RIOK1: variants seen among roughly 807,000 people sequenced by gnomAD.
The protein encoded by RIOK1 is serine/threonine-protein kinase RIO1.
Under a neutral mutation model 73.5 loss-of-function variants are expected in RIOK1, and 66 were observed. The ratio of observed to expected loss-of-function variants is 0.90; its 90% CI spans 0.74 to 1.10. RIOK1 has a LOEUF of 1.10. Among genes scored for constraint, RIOK1 ranks in the 50% least tolerant of loss-of-function variants. The pLI is 0.00. For synonymous variants in RIOK1, 224 were observed against 226.8 expected (o/e 0.99, Z 0.11); for missense variants, 658 against 699.8 (o/e 0.94, Z 0.67).
rs1429429116 is a variant in RIOK1 at position 7,395,085 on chromosome 6, C to G, written c.309C>G (p.Ala103=). ...ANRQTSDSSS[A]KMSTPADKVL... is the part of the protein sequence containing the mutation. ...GACAGACCTCCGACAGCAGTTCAGC[C>G]AAAATGTCTACTCCAGCAGACAAGG... is the stretch of plus-strand genomic sequence containing the variant. The change falls in exon 3 of 17, where the codon GCC becomes GCG. Residue 103 remains alanine (A), a synonymous_variant. Transcript: ENST00000379834. The G allele has an allele frequency of 6.2e-7, 1 of 1,613,760 alleles. No individual in the cohort carries two copies. Among genetic ancestry groups the G allele is most frequent in the Non-Finnish European group, 8.5e-7 (1 of 1,179,796 alleles).
intron 8 of RIOK1, among the ~76,000 whole-genome samples, chr6:7,403,508 T>C (rs1206868265): frequency 6.6e-6 from 1 of 152,216 alleles, no homozygotes; most frequent in East Asian, 1.9e-4. Flanking sequence ...AGGTGACACA[T>C]TGGATAGTGT....
intron 2 of RIOK1, among the ~76,000 whole-genome samples, chr6:7,394,377 T>C (rs565529851): frequency 1.3e-5 from 2 of 152,276 alleles, no homozygotes; most frequent in African/African-American, 4.8e-5. Context: ...GAGGTTGCAG[T>C]GAGCCAAGAT....
At chr6:7,399,219 C>T (rs557455817) in intron 5 of RIOK1, among the ~76,000 whole-genome samples, 7 of 152,094 alleles carry the variant, frequency 4.6e-5, no homozygotes, top group African/African-American at 1.2e-4. Flanking sequence ...TCCCACATTC[C>T]GAAGAATGTG....
Position 7,404,954 on chromosome 6 carries a change from T to C in RIOK1, c.1029T>C (p.Ser343=). 1 of 1,614,156 alleles carries C rather than the reference T, an allele frequency of 6.2e-7. No individual in the cohort carries two copies. Among genetic ancestry groups the C allele is most frequent in the Non-Finnish European group, 8.5e-7 (1 of 1,180,010 alleles). Residue 343 remains serine, a synonymous_variant, in exon 11 of 17, where the codon TCT becomes TCC. Coordinates refer to ENST00000379834, the MANE Select transcript of RIOK1 (RefSeq NM_031480.3). ...GAGGCGTGTATATCATTGACGTGTC[T>C]CAGTCCGTGGAGCACGACCACCCAC... is the stretch of plus-strand genomic sequence containing the variant. ...HGGGVYIIDV[S]QSVEHDHPHA...
chr6:7,404,376 A>G, intron 9 of RIOK1, 42 bp from the exon 10 acceptor site: 1 of 1,609,566 alleles, frequency 6.2e-7, no homozygotes, highest in Non-Finnish European at 8.5e-7. Context: ...GAAGCAAGAA[A>G]ACTTGTTCTT....
chr6:7,417,363 A>G lies in RIOK1; in HGVS notation c.1629A>G (p.Arg543=). ...ERKKMVKEAQ[R]EKRKNKIPKH... ...AAAAGATGGTCAAGGAAGCCCAGAG[A>G]GAGAAAAGAAAAAACAAAATTCCTA... The change falls in exon 17 of 17, where the codon AGA becomes AGG. Residue 543 remains arginine, a synonymous_variant. Coordinates refer to ENST00000379834, the MANE Select transcript of RIOK1 (RefSeq NM_031480.3). The G allele has an allele frequency of 6.4e-7, 1 of 1,564,826 alleles. No homozygotes were observed. Among genetic ancestry groups the G allele is most frequent in the South Asian group, 1.2e-5 (1 of 82,960 alleles).
At chr6:7,404,298 G>C in intron 9 of RIOK1, 120 bp from the exon 10 acceptor site, 4 of 1,200,964 alleles carry the variant, frequency 3.3e-6, no homozygotes, top group Non-Finnish European at 4.7e-6. Context: ...TGTGCATTGA[G>C]ACAGATTGTC....
At chr6:7,412,593 A>G (rs966163048) in intron 14 of RIOK1, among the ~76,000 whole-genome samples, 1 of 150,370 alleles carries the variant, frequency 6.7e-6, no homozygotes, top group African/African-American at 2.4e-5. Flanking sequence ...TGGAGGTTGC[A>G]GTGAGCCAAG....
In RIOK1 at chr6:7,389,853, T is replaced by C; in HGVS notation, c.-150T>C. ...AGGGTGGTGGATCTGTCGGTCCCGT[T>C]TTCCCGTCGCACGTGGTGGCCACTG... On this transcript the variant is annotated 5_prime_UTR_variant, in exon 1 of 17. Transcript: ENST00000379834. The C allele has an allele frequency of 1.6e-6, 1 of 622,608 alleles. No individual in the cohort carries two copies. 38.6% of individuals were successfully genotyped at this position (622,608 alleles called of 1,614,324 possible).
rs141390550 is a variant in RIOK1, at chr6:7,417,343, A to G, written c.1609A>G (p.Met537Val). 4.3e-5 allele frequency: 66 copies of G among 1,538,926 alleles called. No homozygotes were observed. The African/African-American group carries it at 8.3e-4, about 19-fold the overall frequency. Residue 537 changes from methionine (M) to valine (V), a missense_variant, in exon 17 of 17, where the codon ATG becomes GTG. Physicochemically the swap from Met to Val is conservative, Grantham distance 21 (BLOSUM62 1). Coordinates refer to ENST00000379834, the MANE Select transcript of RIOK1 (RefSeq NM_031480.3). Reference protein sequence around the residue: ...PDIDKKERKKMVKEAQREKRK... With the variant: ...PDIDKKERKKVVKEAQREKRK... Reference sequence around the variant, plus strand: ...TTGTTTTTTACAGGAAAGAAAAAAGATGGTCAAGGAAGCCCAGAGAGAGAA... The same window carrying G: ...TTGTTTTTTACAGGAAAGAAAAAAGGTGGTCAAGGAAGCCCAGAGAGAGAA...
rs930568514 is a variant in RIOK1, at chr6:7,417,592, A to C, written c.*151A>C. 2.0e-6 allele frequency: 1 copy of C among 494,944 alleles called. No homozygotes were observed. Among genetic ancestry groups the C allele is most frequent in the African/African-American group, 2.0e-5 (1 of 50,544 alleles). The allele number at this position is 494,944 out of a possible 1,614,324, so 30.7% of individuals were successfully genotyped here. ...CGGATTCAAATGTTTTCATGTAACT[A>C]TGTAAAAAGCTCTAAGCTCTAGAGT... On this transcript the variant is annotated 3_prime_UTR_variant, in exon 17 of 17. Coordinates refer to ENST00000379834, the MANE Select transcript of RIOK1 (RefSeq NM_031480.3).
At position 7,417,483 on chromosome 6, in the gene RIOK1, T is replaced by G. The variant is rs1762038123; in HGVS notation, c.*42T>G. The stretch of plus-strand genomic sequence containing the variant: ...TGTACAGTCATTTTCCTCAGTTCCT[T>G]TTCTCGCCTGAACTCTTAAGCTGCA... On this transcript the variant is annotated 3_prime_UTR_variant, in exon 17 of 17. Transcript: ENST00000379834. The G allele has an allele frequency of 7.9e-7, 1 of 1,269,744 alleles. No homozygotes were observed. Among genetic ancestry groups the G allele is most frequent in the Non-Finnish European group, 1.1e-6 (1 of 917,384 alleles). 78.7% of individuals were successfully genotyped at this position (1,269,744 alleles called of 1,614,324 possible).
chr6:7,407,686 G>T, intron 12 of RIOK1, among the ~76,000 whole-genome samples: 1 of 151,796 alleles, frequency 6.6e-6, no homozygotes. Flanking sequence ...TTGGGACAGG[G>T]TCTCACTGTG....
At chr6:7,390,171 T>G in intron 1 of RIOK1, 98 bp downstream of exon 1, 2 of 988,162 alleles carry the variant, frequency 2.0e-6, no homozygotes, top group East Asian at 5.4e-5. Context: ...GGGAGACTAG[T>G]GGTTCATCAC....
chr6:7,402,995 G>C, intron 8 of RIOK1, 98 bp downstream of exon 8: 2 of 1,059,024 alleles, frequency 1.9e-6, no homozygotes, highest in Non-Finnish European at 2.8e-6. Flanking sequence ...CCCAAATGTA[G>C]GGACTTGTTA....
intron 2 of RIOK1, 113 bp from the exon 3 acceptor site, chr6:7,394,940 T>C: frequency 6.7e-7 from 1 of 1,494,968 alleles, no homozygotes; most frequent in Middle Eastern, 1.7e-4. Context: ...TTCCTTAAGA[T>C]ACTCCTCTAA....
Position 7,402,855 on chromosome 6 carries a change from T to C in RIOK1, c.725T>C (p.Met242Thr), listed in dbSNP as rs746475614. 3.7e-6 allele frequency: 6 copies of C among 1,613,872 alleles called. No homozygotes were observed. Among genetic ancestry groups the C allele is most frequent in the Non-Finnish European group, 5.1e-6 (6 of 1,179,900 alleles). Residue 242 changes from methionine (M) to threonine (T), a missense_variant, in exon 8 of 17, where the codon ATG (methionine) becomes ACG (threonine). By Grantham distance (81) the Met-to-Thr change is moderately conservative. Coordinates refer to ENST00000379834, the MANE Select transcript of RIOK1 (RefSeq NM_031480.3). ...TATTGTAAAGGAAACCCTAGGAAAA[T>C]GGTGAAAACTTGGGCAGAAAAAGAA... Reference protein sequence around the residue: ...HGYCKGNPRKMVKTWAEKEMR... With the variant: ...HGYCKGNPRKTVKTWAEKEMR...
chr6:7,414,750 C>A (rs1761959286), intron 16 of RIOK1, among the ~76,000 whole-genome samples: 1 of 152,144 alleles, frequency 6.6e-6, no homozygotes, highest in South Asian at 2.1e-4. Flanking sequence ...TATAATAGTC[C>A]CCCCATCCAT....
intron 7 of RIOK1, 27 bp from the exon 8 acceptor site, chr6:7,402,790 A>T: frequency 1.9e-6 from 3 of 1,603,100 alleles, no homozygotes; most frequent in Non-Finnish European, 2.6e-6. Context: ...GGAATGATTG[A>T]AATAATAAAC....
Sources: allele counts gnomAD v4.1 joint callset (sites outside exome capture counted in the v4.1 genomes callset), GRCh38; gene constraint gnomAD v4.1.1; transcripts MANE v1.5; gene names NCBI Gene and HGNC (gene_info 2026-07-23, HGNC 2026-07-21).